Variants in HSPBAP1 observed in about 807,000 individuals in gnomAD.
HSPBAP1 encodes the protein HSPB1-associated protein 1.
A neutral mutation model predicts 45.2 loss-of-function variants in HSPBAP1; 27 were observed. The observed-to-expected ratio is 0.60, with a 90% confidence interval of 0.44 to 0.82. The LOEUF (loss-of-function observed/expected upper bound fraction) is 0.82, where lower values mean the gene tolerates loss of function less well. HSPBAP1 is among the 40% of genes least tolerant of loss of function. The pLI is 0.00. For missense variants in HSPBAP1, 510 were observed against 590.9 expected, an observed-to-expected ratio of 0.86 and a Z score of 1.42; for synonymous variants, 204 against 202.7, an observed-to-expected ratio of 1.01 and a Z score of -0.06.
rs1367557761 is a variant in HSPBAP1, at chr3:122,752,611, T to C, written c.805A>G (p.Ile269Val). Residue 269 changes from isoleucine (I) to valine (V), a missense_variant, in exon 6 of 8, where the codon ATA (isoleucine) becomes GTA (valine). Physicochemically the swap from Ile to Val is conservative, Grantham distance 29. Transcript: ENST00000306103. ...VESIDPVTVS[I>V]NSWIELEEDH... ...AGTACCAGTTCAATCCATGAGTTTATACTGACAGTGACAGGATCAATGGAT... is the reference window on the plus strand; with the variant it reads ...AGTACCAGTTCAATCCATGAGTTTACACTGACAGTGACAGGATCAATGGAT... 6.3e-7 allele frequency: 1 copy of C among 1,592,510 alleles called. No individual in the cohort carries two copies. The highest frequency in any genetic ancestry group is 1.4e-5 in the African/African-American group (1 of 73,404).
chr3:122,788,787 T>G (rs1323962163), intron 1 of HSPBAP1, among the ~76,000 whole-genome samples: 1 of 152,122 alleles, frequency 6.6e-6, no homozygotes, highest in Non-Finnish European at 1.5e-5. Flanking sequence ...TACCAGGGAC[T>G]GGGGGAAGAG....
At chr3:122,743,667 G>A in intron 6 of HSPBAP1, among the ~76,000 whole-genome samples, 1 of 152,146 alleles carries the variant, frequency 6.6e-6, no homozygotes, top group East Asian at 1.9e-4. Flanking sequence ...TATCAGTCAA[G>A]GTTCTCCAAA....
intron 6 of HSPBAP1, among the ~76,000 whole-genome samples, chr3:122,746,890 A>G (rs1275714253): frequency 6.6e-6 from 1 of 151,928 alleles, no homozygotes; most frequent in African/African-American, 2.4e-5. Context: ...CCTAACCGCG[A>G]GTGATCTGCC....
intron 4 of HSPBAP1, among the ~76,000 whole-genome samples, chr3:122,756,698 T>TAAAA (rs755437040): frequency 8.7e-6 from 1 of 115,134 alleles, no homozygotes. Flanking sequence ...ACCTTGTATC[T>TAAAA]AAAAAAAAAA....
rs1383838995 is a variant in HSPBAP1, at chr3:122,781,080, C to G, written c.65-3174G>C. 2.0e-5 allele frequency among the ~76,000 whole-genome samples: 3 copies of G among 148,810 alleles called. No individual in the cohort carries two copies. In the Admixed American group the frequency reaches 2.0e-4, roughly 10 times the overall value. On this transcript the variant is annotated intron_variant, in intron 1 of 7. Transcript: ENST00000306103. The stretch of plus-strand genomic sequence containing the variant: ...CTCCTCACTTTCCAGACTGGGCAGC[C>G]GGGCAGAGGGGCTCCTCACATCCCA...
chr3:122,791,631 G>A (rs771844423), intron 1 of HSPBAP1, among the ~76,000 whole-genome samples: 5 of 152,188 alleles, frequency 3.3e-5, no homozygotes, highest in Non-Finnish European at 5.9e-5. Context: ...TAGGGTTGGG[G>A]GGTGCAAGAG....
At chr3:122,754,533 T>G in intron 5 of HSPBAP1, 2 of 985,136 alleles carry the variant, frequency 2.0e-6, no homozygotes, top group Non-Finnish European at 2.4e-6. Flanking sequence ...AGTGAAATTG[T>G]TTGAGTTGAT....
intron 1 of HSPBAP1, among the ~76,000 whole-genome samples, chr3:122,786,743 G>C (rs1307190301): frequency 3.3e-5 from 5 of 152,218 alleles, no homozygotes; most frequent in Admixed American, 1.3e-4. Context: ...AGAGCACTAT[G>C]AAGTGTGTGC....
chr3:122,759,661 C>T (rs1350937179), intron 3 of HSPBAP1, among the ~76,000 whole-genome samples: 1 of 152,188 alleles, frequency 6.6e-6, no homozygotes, highest in African/African-American at 2.4e-5. Context: ...AAAATGCCTA[C>T]TCGGATGAAG....
At chr3:122,780,412 G>A (rs1217235845) in intron 1 of HSPBAP1, among the ~76,000 whole-genome samples, 2 of 117,904 alleles carry the variant, frequency 1.7e-5, no homozygotes, top group African/African-American at 3.2e-5. Flanking sequence ...TGGACGGGGC[G>A]GCTGGCCGGG....
At position 122,755,049 on chromosome 3, in the gene HSPBAP1, T is replaced by C. The variant is rs1008746423; in HGVS notation, c.741+211A>G. On this transcript the variant is annotated intron_variant, in intron 5 of 7. Transcript: ENST00000306103. ...TACCAATAGGAGGAGCTGTGTTCCC[T>C]CTTGCCATTTCCTTTCCAGGACCTG... The C allele has an allele frequency of 1.9e-5, 23 of 1,211,912 alleles. No homozygotes were observed. In the African/African-American group the frequency reaches 3.6e-4, roughly 19 times the overall value. 75.1% of individuals were successfully genotyped at this position (1,211,912 alleles called of 1,614,324 possible).
intron 5 of HSPBAP1, 65 bp from the exon 6 acceptor site, chr3:122,752,739 A>C (rs1238961498): frequency 6.9e-7 from 1 of 1,454,974 alleles, no homozygotes; most frequent in Non-Finnish European, 9.3e-7. Context: ...TCAGAATCAG[A>C]CCCTAATTGA....
chr3:122,766,706 G>A (rs1335880129), intron 3 of HSPBAP1, among the ~76,000 whole-genome samples: 1 of 152,224 alleles, frequency 6.6e-6, no homozygotes, highest in Non-Finnish European at 1.5e-5. Context: ...CACACGCTCT[G>A]TAGGCACAGC....
chr3:122,788,010 A>G (rs1335456435), intron 1 of HSPBAP1, among the ~76,000 whole-genome samples: 1 of 152,200 alleles, frequency 6.6e-6, no homozygotes, highest in Admixed American at 6.5e-5. Flanking sequence ...TATCACTGAA[A>G]AAAACCCACA....
chr3:122,773,794 G>A (rs559047386), intron 2 of HSPBAP1, among the ~76,000 whole-genome samples: 1 of 151,288 alleles, frequency 6.6e-6, no homozygotes, highest in Non-Finnish European at 1.5e-5. Flanking sequence ...ACACCATCAT[G>A]CCAAGATAAT....
At chr3:122,766,575 C>T (rs1175375889) in intron 3 of HSPBAP1, among the ~76,000 whole-genome samples, 1 of 152,234 alleles carries the variant, frequency 6.6e-6, no homozygotes, top group East Asian at 1.9e-4. Flanking sequence ...AGGTCACATA[C>T]TGCACAGTAC....
At chr3:122,759,592 C>T (rs1406326483) in intron 3 of HSPBAP1, among the ~76,000 whole-genome samples, 1 of 152,184 alleles carries the variant, frequency 6.6e-6, no homozygotes, top group Non-Finnish European at 1.5e-5. Flanking sequence ...TTACTGACTA[C>T]TTACAACATG....
intron 7 of HSPBAP1, 43 bp downstream of exon 7, chr3:122,740,960 C>T (rs757935437): frequency 1.2e-6 from 2 of 1,606,546 alleles, no homozygotes; most frequent in Non-Finnish European, 1.7e-6. Context: ...GCTGGTTTAC[C>T]ACAGGAAACT....
At chr3:122,780,305 C>T (rs1364112026) in intron 1 of HSPBAP1, among the ~76,000 whole-genome samples, 6 of 105,756 alleles carry the variant, frequency 5.7e-5, no homozygotes, top group African/African-American at 2.2e-4. Context: ...ACCTCCCTCC[C>T]GGACGGGGCG....
Sources: allele counts gnomAD v4.1 joint callset (sites outside exome capture counted in the v4.1 genomes callset), GRCh38; gene constraint gnomAD v4.1.1; transcripts MANE v1.5; gene names NCBI Gene and HGNC (gene_info 2026-07-23, HGNC 2026-07-21).